EEF2K: variants seen among roughly 807,000 people sequenced by gnomAD.
EEF2K encodes the protein eukaryotic elongation factor 2 kinase.
Under a neutral mutation model 93.8 loss-of-function variants are expected in EEF2K, and 70 were observed. That is an observed-to-expected ratio of 0.75 (90% CI 0.62 to 0.91). The LOEUF is 0.91. Ranked by LOEUF, EEF2K falls within the 40% of genes least tolerant of loss-of-function variation. The probability of loss-of-function intolerance (pLI) is 0.00; values close to 1 mark genes in which losing one functional copy is unlikely to be tolerated. For synonymous variants in EEF2K, 376 were observed against 380.8 expected, an observed-to-expected ratio of 0.99 and a Z score of 0.15; for missense variants, 935 against 972.9, an observed-to-expected ratio of 0.96 and a Z score of 0.52.
chr16:22,266,698 C>G lies in EEF2K; in HGVS notation c.1586C>G (p.Ala529Gly). The change falls in exon 15 of 18, where the codon GCC (alanine) becomes GGC (glycine). Residue 529 changes from alanine (A) to glycine (G), a missense_variant. By Grantham distance (60) the Ala-to-Gly change is moderately conservative. Transcript: ENST00000263026. ...TAGTCTGTGTGGCAGGTCCATCTGG[C>G]CATGGTGCGCTACCACGAGGGTGGG... is the stretch of plus-strand genomic sequence containing the variant. Reference protein sequence around the residue: ...GKSILGKVHLAMVRYHEGGRF... With the variant: ...GKSILGKVHLGMVRYHEGGRF... The G allele has an allele frequency of 4.4e-6, 7 of 1,609,122 alleles. No homozygotes were observed. Among genetic ancestry groups the G allele is most frequent in the Non-Finnish European group, 5.9e-6 (7 of 1,177,368 alleles).
At chr16:22,238,183 AG>A (rs1465692069) in intron 2 of EEF2K, among the ~76,000 whole-genome samples, 1 of 152,096 alleles carries the variant, frequency 6.6e-6, no homozygotes, top group Non-Finnish European at 1.5e-5. Context: ...CCAGATACTC[AG>A]GCAGCTGAGA....
At chr16:22,231,914 T>C (rs1242145785) in intron 2 of EEF2K, among the ~76,000 whole-genome samples, 2 of 140,852 alleles carry the variant, frequency 1.4e-5, no homozygotes, top group African/African-American at 2.7e-5. Context: ...CACTTGAACC[T>C]GGGAGGCTGA....
intron 10 of EEF2K, 24 bp from the exon 11 acceptor site, chr16:22,260,438 T>A: frequency 6.2e-7 from 1 of 1,613,954 alleles, no homozygotes. Context: ...AACCAGGACA[T>A]GATGTCTGTT....
chr16:22,228,785 A>G (rs112818816), intron 2 of EEF2K, among the ~76,000 whole-genome samples: 27 of 152,218 alleles, frequency 1.8e-4, no homozygotes, highest in African/African-American at 6.3e-4. Context: ...GTAAGGGAAA[A>G]CAGGAATTAC....
chr16:22,280,419 G>A (rs775929981), intron 17 of EEF2K, 43 bp downstream of exon 17: 2 of 1,401,578 alleles, frequency 1.4e-6, no homozygotes, highest in Admixed American at 5.7e-5. Context: ...ACAGGGCTGG[G>A]CAGGGAGGAA....
At position 22,231,990 on chromosome 16, in the gene EEF2K, T is replaced by TAAAC. The variant is rs201307962; in HGVS notation, c.246+6023_246+6026dup. Among the ~76,000 whole-genome samples, 88 of 51,690 alleles carry TAAAC rather than the reference T, an allele frequency of 1.7e-3. 5 individuals are homozygous for TAAAC. Among genetic ancestry groups the TAAAC allele is most frequent in the African/African-American group, 4.9e-3 (69 of 14,166 alleles). 33.9% of individuals were successfully genotyped at this position (51,690 alleles called of 152,430 possible). ...GGGCAACGAGAGCGAAACTCTGTCT[T>TAAAC]AAACAAACAAAAAAAAAAAAAAAAA... is the stretch of plus-strand genomic sequence containing the variant. On this transcript the variant is annotated intron_variant, in intron 2 of 17. Transcript: ENST00000263026.
rs982322697 is a variant in EEF2K, at chr16:22,284,138, G to C, written c.*142G>C. The C allele has an allele frequency of 9.0e-6, 7 of 781,698 alleles. No homozygotes were observed. The highest frequency in any genetic ancestry group is 8.2e-6 in the Non-Finnish European group (4 of 486,366). The allele number at this position is 781,698 out of a possible 1,614,324, so 48.4% of individuals were successfully genotyped here. On this transcript the variant is annotated 3_prime_UTR_variant, in exon 18 of 18. Coordinates refer to ENST00000263026, the MANE Select transcript of EEF2K (RefSeq NM_013302.5). ...AATCAAATTTTATATTTCATTTTTT[G>C]ACTCTTGAAAAATGTCTTTGCTCCT... is the stretch of plus-strand genomic sequence containing the variant.
chr16:22,235,010 A>G (rs1414872230), intron 2 of EEF2K, among the ~76,000 whole-genome samples: 1 of 148,874 alleles, frequency 6.7e-6, no homozygotes, highest in African/African-American at 2.5e-5. Flanking sequence ...CCTCCTGAGT[A>G]GCTGGGATTA....
rs1432473400 is a variant in EEF2K at position 22,285,680 on chromosome 16, C to T, written c.*1684C>T. On this transcript the variant is annotated 3_prime_UTR_variant, in exon 18 of 18. Coordinates refer to ENST00000263026, the MANE Select transcript of EEF2K (RefSeq NM_013302.5). ...ACCAAAACAACAAAAAAAAGACAGA[C>T]TGCTTTGATCAACCCTAAATGCAAA... 1 of 152,542 alleles carries T rather than the reference C, an allele frequency of 6.6e-6. No individual in the cohort carries two copies. Among genetic ancestry groups the T allele is most frequent in the Non-Finnish European group, 1.5e-5 (1 of 68,020 alleles). 9.4% of individuals were successfully genotyped at this position (152,542 alleles called of 1,614,324 possible). A position where few individuals can be genotyped will look rare whatever the true frequency, so the allele number is the denominator to read the frequency against.
chr16:22,249,979 TC>T (rs1380496241), intron 4 of EEF2K, among the ~76,000 whole-genome samples: 16 of 152,058 alleles, frequency 1.1e-4, no homozygotes, highest in African/African-American at 3.6e-4. Flanking sequence ...ACAGGGTTTC[TC>T]CATATTTGTC....
intron 1 of EEF2K, among the ~76,000 whole-genome samples, chr16:22,219,504 C>T (rs2046992080): frequency 6.6e-6 from 1 of 152,172 alleles, no homozygotes; most frequent in Non-Finnish European, 1.5e-5. Flanking sequence ...TGACACACAC[C>T]TGTAGTCCCA....
chr16:22,281,154 T>C (rs957130177), intron 17 of EEF2K, among the ~76,000 whole-genome samples: 33 of 152,110 alleles, frequency 2.2e-4, no homozygotes, highest in African/African-American at 7.7e-4. Context: ...CTTGAACTCC[T>C]GACCTCAGGT....
chr16:22,236,013 G>C (rs942391170), intron 2 of EEF2K, among the ~76,000 whole-genome samples: 2 of 151,952 alleles, frequency 1.3e-5, no homozygotes, highest in African/African-American at 4.8e-5. Context: ...ATGCTGCCCA[G>C]GCTGCTCTGG....
At chr16:22,276,265 A>T (rs1044974743) in intron 16 of EEF2K, among the ~76,000 whole-genome samples, 1 of 149,358 alleles carries the variant, frequency 6.7e-6, no homozygotes, top group Non-Finnish European at 1.5e-5. Flanking sequence ...TTTAAAAGAC[A>T]TTTTTTTTTT....
At chr16:22,251,347 C>G (rs558121142) in intron 6 of EEF2K, 25 bp downstream of exon 6, 1 of 1,611,978 alleles carries the variant, frequency 6.2e-7, no homozygotes, top group Non-Finnish European at 8.5e-7. Context: ...TACCTGCCCC[C>G]TTTCCATGCC....
chr16:22,251,224 G>A lies in EEF2K; in HGVS notation c.520G>A (p.Glu174Lys), dbSNP rs148576611. 18 of 1,613,966 alleles carry A rather than the reference G, an allele frequency of 1.1e-5. No homozygotes were observed. The highest frequency in any genetic ancestry group is 4.5e-5 in the East Asian group (2 of 44,874). The change falls in exon 6 of 18, where the codon GAG becomes AAG. Residue 174 changes from glutamate to lysine, a missense_variant. Glu to Lys is a moderately conservative substitution (Grantham distance 56). Transcript: ENST00000263026. ...CAACTACGTGGCGAAGCGCTACATCGAGCCCGTAGACCGGGATGTGTACTT... is the reference window on the plus strand; with the variant it reads ...CAACTACGTGGCGAAGCGCTACATCAAGCCCGTAGACCGGGATGTGTACTT... The part of the protein sequence containing the change: ...ASNYVAKRYI[E>K]PVDRDVYFED...
intron 1 of EEF2K, among the ~76,000 whole-genome samples, chr16:22,210,587 C>T (rs555845131): frequency 5.9e-5 from 9 of 152,222 alleles, no homozygotes; most frequent in East Asian, 5.8e-4. Flanking sequence ...GGATTCAGCC[C>T]GCACCAGCTT....
intron 1 of EEF2K, among the ~76,000 whole-genome samples, chr16:22,224,580 T>A (rs2047043994): frequency 6.6e-6 from 1 of 151,318 alleles, no homozygotes; most frequent in Non-Finnish European, 1.5e-5. Context: ...GTGACCTAGG[T>A]GAGCTAGGAT....
At chr16:22,258,293 G>C (rs2047427478) in intron 9 of EEF2K, among the ~76,000 whole-genome samples, 1 of 152,102 alleles carries the variant, frequency 6.6e-6, no homozygotes, top group Non-Finnish European at 1.5e-5. Context: ...CTGAGCCTCT[G>C]TTCCAGATGC....
Sources: gnomAD v4.1 joint callset for allele counts (sites outside exome capture counted in the v4.1 genomes callset) on GRCh38, gnomAD v4.1.1 for gene constraint, MANE v1.5 for transcripts, NCBI Gene and HGNC (gene_info 2026-07-23, HGNC 2026-07-21) for gene names.